The following IMMT variants were observed in gnomAD, a reference collection of about 807,000 sequenced individuals.
IMMT encodes the protein inner membrane mitochondrial protein.
Under a neutral mutation model 92.7 loss-of-function variants are expected in IMMT, and 40 were observed. The ratio of observed to expected loss-of-function variants is 0.43; its 90% CI spans 0.34 to 0.56. The LOEUF (loss-of-function observed/expected upper bound fraction) is 0.56. Among genes scored for constraint, IMMT ranks in the 20% least tolerant of loss-of-function variants. IMMT has a pLI of 0.03. For missense variants in IMMT, 831 were observed against 912.1 expected (o/e 0.91, Z 1.14); for synonymous variants, 322 against 336.1 (o/e 0.96, Z 0.46).
At chr2:86,162,226 T>A (rs2104964118) in intron 7 of IMMT, 147 bp from the exon 8 acceptor site, 1 of 538,634 alleles carries the variant, frequency 1.9e-6, no homozygotes, top group Non-Finnish European at 3.2e-6. Context: ...ACTCTTAATT[T>A]AAGGCTTATG....
In IMMT at chr2:86,180,428, G is replaced by A. The variant is rs550994323; in HGVS notation, c.120-806C>T. ...TTACAGGCATGCGCCACTACGCCCG[G>A]CTAATTTTTTTATTTTTAGTAGAGA... On this transcript the variant is annotated intron_variant, in intron 2 of 14. Coordinates refer to ENST00000410111, the MANE Select transcript of IMMT (RefSeq NM_006839.3). Among the ~76,000 whole-genome samples the A allele has an allele frequency of 1.0e-3, 159 of 151,860 alleles. 1 individual carries two copies. The highest frequency in any genetic ancestry group is 0.01 in the Middle Eastern group (3 of 294).
chr2:86,158,665 G>T lies in IMMT; in HGVS notation c.1089C>A (p.Val363=). 6.2e-7 allele frequency: 1 copy of T among 1,604,088 alleles called. No individual in the cohort carries two copies. The highest frequency in any genetic ancestry group is 1.1e-5 in the South Asian group (1 of 89,054). ...KVVSQYHELV[V]QARDDFKREL... ...CTCGTTTAAAGTCATCCCGAGCTTG[G>T]ACCACCAGCTCATGATACTGAGATA... The change falls in exon 10 of 15, where the codon GTC becomes GTA. Residue 363 remains valine, a synonymous_variant. Transcript: ENST00000410111.
intron 7 of IMMT, among the ~76,000 whole-genome samples, chr2:86,163,072 T>G (rs1201710963): frequency 6.6e-6 from 1 of 152,020 alleles, no homozygotes; most frequent in Non-Finnish European, 1.5e-5. Context: ...CAGTGGCTCA[T>G]GCCTGTAATC....
intron 9 of IMMT, 56 bp from the exon 10 acceptor site, chr2:86,158,777 C>A: frequency 1.4e-6 from 2 of 1,392,048 alleles, no homozygotes; most frequent in Non-Finnish European, 9.9e-7. Context: ...CATAAACATT[C>A]CAAGAAACAG....
intron 10 of IMMT, among the ~76,000 whole-genome samples, chr2:86,157,851 G>A (rs1675973335): frequency 6.6e-6 from 1 of 150,886 alleles, no homozygotes; most frequent in South Asian, 2.1e-4. Context: ...GGTGTCGCAT[G>A]CTTGTAATCC....
At position 86,144,556 on chromosome 2, in the gene IMMT, T is replaced by C. The variant is rs1573866657; in HGVS notation, c.1989A>G (p.Leu663=). Reference sequence around the variant, plus strand: ...GAGGTGGGAATAGGAGCAGGGACTGTAGGTAGGAGAGGAAGTACTGGTACA... The same window carrying C: ...GAGGTGGGAATAGGAGCAGGGACTGCAGGTAGGAGAGGAAGTACTGGTACA... ...NSLYQYFLSY[L]QSLLLFPPQQ... is the part of the protein sequence containing the mutation. Residue 663 remains leucine, a synonymous_variant, in exon 15 of 15, where the codon CTA becomes CTG. Transcript: ENST00000410111. 1 of 1,613,948 alleles carries C rather than the reference T, an allele frequency of 6.2e-7. No individual in the cohort carries two copies. Among genetic ancestry groups the C allele is most frequent in the East Asian group, 2.2e-5 (1 of 44,890 alleles).
intron 10 of IMMT, among the ~76,000 whole-genome samples, chr2:86,157,418 T>G (rs569451893): frequency 2.2e-4 from 34 of 152,310 alleles, no homozygotes; most frequent in Admixed American, 1.3e-3. Flanking sequence ...GGTTCTGTGA[T>G]GCAACCCTGA....
intron 9 of IMMT, 51 bp from the exon 10 acceptor site, chr2:86,158,772 A>G: frequency 1.4e-6 from 2 of 1,436,876 alleles, no homozygotes; most frequent in African/African-American, 1.4e-5. Context: ...AATACCATAA[A>G]CATTCCAAGA....
At chr2:86,157,788 C>CAAAAAAAAAAAAAAAAAA (rs74548175) in intron 10 of IMMT, among the ~76,000 whole-genome samples, 1 of 84,248 alleles carries the variant, frequency 1.2e-5, no homozygotes, top group African/African-American at 6.4e-5. Flanking sequence ...AACTTTGTCT[C>CAAAAAAAAAAAAAAAAAA]AAAAAAAAAA....
intron 12 of IMMT, among the ~76,000 whole-genome samples, chr2:86,148,950 C>T (rs1164684367): frequency 6.6e-6 from 1 of 152,208 alleles, no homozygotes; most frequent in Non-Finnish European, 1.5e-5. Flanking sequence ...GTGCTTAGGG[C>T]AGACGAACTT....
At chr2:86,189,559 C>G (rs911935654) in intron 1 of IMMT, among the ~76,000 whole-genome samples, 1 of 152,186 alleles carries the variant, frequency 6.6e-6, no homozygotes, top group East Asian at 1.9e-4. Context: ...AAACCACAAT[C>G]TAGCATGACA....
At chr2:86,174,048 C>T (rs1279211942) in intron 3 of IMMT, among the ~76,000 whole-genome samples, 1 of 152,178 alleles carries the variant, frequency 6.6e-6, no homozygotes, top group Non-Finnish European at 1.5e-5. Flanking sequence ...CATTAAACAC[C>T]ATTGCTTGTA....
At position 86,144,276 on chromosome 2, in the gene IMMT, G is replaced by A. The variant is rs774007561; in HGVS notation, c.2269C>T (p.Pro757Ser). 1 of 1,613,502 alleles carries A rather than the reference G, an allele frequency of 6.2e-7. No homozygotes were observed. The change falls in exon 15 of 15, where the codon CCA becomes TCA. Residue 757 changes from proline (P) to serine (S), a missense_variant. Coordinates refer to ENST00000410111, the MANE Select transcript of IMMT (RefSeq NM_006839.3). ...GAAAATCTTCCTAAACCTCACTCTG[G>A]CTGCACCTGAGTGGTTCCTATTCCT... ...AVGIGTTQVQ[P>S]E
At chr2:86,161,705 G>A (rs866646603) in intron 8 of IMMT, among the ~76,000 whole-genome samples, 13 of 149,484 alleles carry the variant, frequency 8.7e-5, no homozygotes, top group African/African-American at 2.5e-4. Context: ...TAATAGAGAC[G>A]GGGTTTCACC....
intron 11 of IMMT, among the ~76,000 whole-genome samples, chr2:86,152,954 C>T (rs938733089): frequency 9.9e-5 from 15 of 152,036 alleles, no homozygotes; most frequent in Non-Finnish European, 1.8e-4. Context: ...ACATGTGGAA[C>T]GTCTATGGGT....
intron 1 of IMMT, among the ~76,000 whole-genome samples, chr2:86,189,555 C>T (rs2105642831): frequency 6.6e-6 from 1 of 152,258 alleles, no homozygotes; most frequent in Middle Eastern, 3.4e-3. Flanking sequence ...AAAGAAACCA[C>T]AATCTAGCAT....
At position 86,144,187 on chromosome 2, in the gene IMMT, G is replaced by A; in HGVS notation, c.*81C>T. On this transcript the variant is annotated 3_prime_UTR_variant, in exon 15 of 15. Transcript: ENST00000410111. ...CCTGCTCATTTCTAGACAAGTCCGGGACTCTCGCTGCGAACCCTTCATCTA... is the reference window on the plus strand; with the variant it reads ...CCTGCTCATTTCTAGACAAGTCCGGAACTCTCGCTGCGAACCCTTCATCTA... 1.3e-6 allele frequency: 2 copies of A among 1,481,898 alleles called. No homozygotes were observed. Among genetic ancestry groups the A allele is most frequent in the South Asian group, 1.3e-5 (1 of 79,146 alleles). The allele number at this position is 1,481,898 out of a possible 1,614,324, so 91.8% of individuals were successfully genotyped here.
At position 86,144,096 on chromosome 2, in the gene IMMT, G is replaced by A. The variant is rs1674806499; in HGVS notation, c.*172C>T. ...AAAGAAAGCACTCCTGGCGTTCACTGACATGATAGCAAATGGAAAGAATAT... is the reference window on the plus strand; with the variant it reads ...AAAGAAAGCACTCCTGGCGTTCACTAACATGATAGCAAATGGAAAGAATAT... On this transcript the variant is annotated 3_prime_UTR_variant, in exon 15 of 15. Transcript: ENST00000410111. 2.7e-5 allele frequency: 20 copies of A among 735,712 alleles called. 1 individual carries two copies. In the South Asian group the frequency reaches 3.9e-4, roughly 14 times the overall value. 45.6% of individuals were successfully genotyped at this position (735,712 alleles called of 1,614,324 possible).
intron 10 of IMMT, among the ~76,000 whole-genome samples, chr2:86,157,846 C>T (rs971983484): frequency 1.3e-5 from 2 of 149,366 alleles, no homozygotes; most frequent in African/African-American, 4.9e-5. Context: ...GGTGTGGTGT[C>T]GCATGCTTGT....
Sources: gnomAD v4.1 joint callset for allele counts (sites outside exome capture counted in the v4.1 genomes callset) on GRCh38, gnomAD v4.1.1 for gene constraint, MANE v1.5 for transcripts, NCBI Gene and HGNC (gene_info 2026-07-23, HGNC 2026-07-21) for gene names.